The following DGKB variants were observed in gnomAD, a reference collection of about 807,000 sequenced individuals.
The protein encoded by DGKB is diacylglycerol kinase beta.
In DGKB, 67 loss-of-function variants were observed where a neutral mutation model predicts 114.3. The observed-to-expected ratio is 0.59, with a 90% CI of 0.48 to 0.72. The LOEUF (loss-of-function observed/expected upper bound fraction) is 0.72, where lower values mean the gene tolerates loss of function less well. DGKB is among the 30% of genes least tolerant of loss of function. The probability of loss-of-function intolerance (pLI) is 0.00; values close to 1 mark genes in which losing one functional copy is unlikely to be tolerated. For synonymous variants in DGKB, 398 were observed against 323.1 expected, an observed-to-expected ratio of 1.23 and a Z score of -2.49; for missense variants, 907 against 975.2, an observed-to-expected ratio of 0.93 and a Z score of 0.93.
intron 17 of DGKB, among the ~76,000 whole-genome samples, chr7:14,592,959 T>A (rs566838773): frequency 2.8e-4 from 42 of 152,128 alleles, no homozygotes; most frequent in Non-Finnish European, 5.6e-4. Context: ...AGATATTGTG[T>A]GGAAGCTGAA....
intron 6 of DGKB, among the ~76,000 whole-genome samples, chr7:14,704,279 C>CA (rs59838670): frequency 0.067 from 6,886 of 103,506 alleles, 593 homozygotes; most frequent in African/African-American, 0.2. Flanking sequence ...ACTAAAAATA[C>CA]AAAAAAAAAA....
chr7:14,254,252 A>G (rs1395287505), intron 23 of DGKB, among the ~76,000 whole-genome samples: 4 of 152,198 alleles, frequency 2.6e-5, no homozygotes, highest in Admixed American at 2.6e-4. Context: ...ATTTCAGATT[A>G]TTTTTATCAT....
chr7:14,268,971 A>G (rs967677255), intron 23 of DGKB: 3 of 152,222 alleles, frequency 2.0e-5, no homozygotes, highest in African/African-American at 7.2e-5. Context: ...ATTCAGGGCC[A>G]GGTGACTCTG....
intron 21 of DGKB, among the ~76,000 whole-genome samples, chr7:14,418,312 T>C: frequency 6.9e-6 from 1 of 145,840 alleles, no homozygotes; most frequent in Non-Finnish European, 1.5e-5. Context: ...TGTATGTATA[T>C]ATGTATGTAT....
At chr7:14,344,072 ATG>A (rs530573678) in intron 22 of DGKB, among the ~76,000 whole-genome samples, 50 of 149,680 alleles carry the variant, frequency 3.3e-4, no homozygotes, top group African/African-American at 1.1e-3. Flanking sequence ...ATAGTTATAT[ATG>A]TGTTATATAT....
At chr7:14,457,742 T>A (rs73070026) in intron 21 of DGKB, among the ~76,000 whole-genome samples, 163 of 152,352 alleles carry the variant, frequency 1.1e-3, no homozygotes, top group Middle Eastern at 3.4e-3. Flanking sequence ...GGTACACAGA[T>A]GCCCTTTGAC....
At chr7:14,217,430 C>T (rs950080534) in intron 23 of DGKB, among the ~76,000 whole-genome samples, 3 of 151,778 alleles carry the variant, frequency 2.0e-5, no homozygotes, top group African/African-American at 7.3e-5. Context: ...TCACTTTTTC[C>T]ATTTTTAGTA....
rs140376361 is a variant in DGKB at position 14,402,821 on chromosome 7, G to A, written c.1836-57430C>T. ...GCAGATAATCCTCCCTAACATAGGC[G>A]GGCCTTCATCTAATCAGGTGAAAGC... On this transcript the variant is annotated intron_variant, in intron 21 of 25. Coordinates refer to ENST00000402815, the MANE Select transcript of DGKB (RefSeq NM_001350709.2). Among the ~76,000 whole-genome samples, 329 of 151,912 alleles carry A rather than the reference G, an allele frequency of 2.2e-3. 1 individual carries two copies. Among genetic ancestry groups the A allele is most frequent in the African/African-American group, 7.7e-3 (319 of 41,486 alleles).
chr7:14,206,436 T>C (rs574355666), intron 23 of DGKB, among the ~76,000 whole-genome samples: 1 of 152,044 alleles, frequency 6.6e-6, no homozygotes, highest in African/African-American at 2.4e-5. Flanking sequence ...AGATGAAATC[T>C]AGTGCTTAAA....
At chr7:14,169,355 A>T (rs1399173878) in intron 25 of DGKB, among the ~76,000 whole-genome samples, 1 of 130,004 alleles carries the variant, frequency 7.7e-6, no homozygotes, top group Non-Finnish European at 1.6e-5. Context: ...ACAGAGCGAG[A>T]CTCCGTCTCA....
At chr7:14,524,476 C>T (rs1275941801) in intron 20 of DGKB, among the ~76,000 whole-genome samples, 1 of 152,192 alleles carries the variant, frequency 6.6e-6, no homozygotes, top group Non-Finnish European at 1.5e-5. Context: ...CTAATTCAGG[C>T]CAGGCGCAGT....
At chr7:14,325,798 A>G (rs569230195) in intron 23 of DGKB, among the ~76,000 whole-genome samples, 137 of 152,194 alleles carry the variant, frequency 9.0e-4, no homozygotes, top group Non-Finnish European at 1.7e-3. Context: ...TAGAAGGGCT[A>G]CTGGTCCACG....
intron 1 of DGKB, among the ~76,000 whole-genome samples, chr7:14,923,781 G>A (rs1298088895): frequency 1.3e-5 from 2 of 151,916 alleles, no homozygotes; most frequent in African/African-American, 4.8e-5. Flanking sequence ...AATCACCTGA[G>A]GTCAGGAGTT....
chr7:14,529,753 A>G (rs941701364), intron 20 of DGKB, among the ~76,000 whole-genome samples: 20 of 151,966 alleles, frequency 1.3e-4, no homozygotes, highest in Middle Eastern at 3.4e-3. Flanking sequence ...TTTCTCCAAC[A>G]GGTCCATGAA....
At position 14,485,135 on chromosome 7, in the gene DGKB, C is replaced by A. The variant is rs542990599; in HGVS notation, c.1771-6910G>T. On this transcript the variant is annotated intron_variant, in intron 20 of 25. Transcript: ENST00000402815. ...ACACACACACACACACACACACACA[C>A]AATCAGTGGAGATACACACTATCCT... Among the ~76,000 whole-genome samples, 5 of 130,526 alleles carry A rather than the reference C, an allele frequency of 3.8e-5. No homozygotes were observed. The East Asian group carries it at 1.2e-3, about 30-fold the overall frequency. 85.6% of individuals were successfully genotyped at this position (130,526 alleles called of 152,430 possible).
intron 23 of DGKB, among the ~76,000 whole-genome samples, chr7:14,251,330 CTTATAA>C (rs148581297): frequency 0.12 from 18,188 of 151,918 alleles, 1,383 homozygotes; most frequent in East Asian, 0.2. Context: ...TTTAAAATAT[CTTATAA>C]TTAGAATAGT....
intron 14 of DGKB, among the ~76,000 whole-genome samples, chr7:14,627,241 T>C (rs1021021319): frequency 6.6e-6 from 1 of 152,154 alleles, no homozygotes; most frequent in Admixed American, 6.5e-5. Flanking sequence ...ATAATTGCTG[T>C]GGTGATTTGG....
intron 21 of DGKB, among the ~76,000 whole-genome samples, chr7:14,464,109 T>C (rs1005299733): frequency 6.6e-6 from 1 of 152,090 alleles, no homozygotes; most frequent in Non-Finnish European, 1.5e-5. Context: ...TTCTTTTCTG[T>C]ATGTCATATG....
chr7:14,882,411 T>G (rs1854374825), intron 1 of DGKB, among the ~76,000 whole-genome samples: 1 of 152,008 alleles, frequency 6.6e-6, no homozygotes, highest in East Asian at 1.9e-4. Context: ...GTTTTTTGTT[T>G]GTTTGTTTTA....
Sources: allele counts gnomAD v4.1 joint callset (sites outside exome capture counted in the v4.1 genomes callset), GRCh38; gene constraint gnomAD v4.1.1; transcripts MANE v1.5; gene names NCBI Gene and HGNC (gene_info 2026-07-23, HGNC 2026-07-21).